The following DCLK1 variants were observed in gnomAD, a reference collection of about 807,000 sequenced individuals.
DCLK1 encodes the protein doublecortin like kinase 1.
A neutral mutation model predicts 86.2 loss-of-function variants in DCLK1; 16 were observed. The ratio of observed to expected loss-of-function variants is 0.19; its 90% CI spans 0.13 to 0.28. The LOEUF is 0.28. Among genes scored for constraint, DCLK1 ranks in the 10% least tolerant of loss-of-function variants. The pLI is 1.00. For missense variants in DCLK1, 590 were observed against 940.2 expected, an observed-to-expected ratio of 0.63 and a Z score of 4.87; for synonymous variants, 369 against 370.5, an observed-to-expected ratio of 1.00 and a Z score of 0.05.
chr13:35,994,791 T>C (rs146240678), intron 3 of DCLK1, among the ~76,000 whole-genome samples: 6 of 152,346 alleles, frequency 3.9e-5, no homozygotes, highest in African/African-American at 1.4e-4. Flanking sequence ...AAAGCTATTA[T>C]GGGCTTTAAA....
intron 3 of DCLK1, among the ~76,000 whole-genome samples, chr13:35,953,668 G>A (rs1251693055): frequency 1.3e-5 from 2 of 152,172 alleles, no homozygotes; most frequent in African/African-American, 2.4e-5. Context: ...TGCTCTGCAA[G>A]GGCAGAGATT....
intron 4 of DCLK1, among the ~76,000 whole-genome samples, chr13:35,944,215 G>A (rs1485390022): frequency 2.0e-5 from 3 of 152,192 alleles, no homozygotes; most frequent in Non-Finnish European, 2.9e-5. Flanking sequence ...TTAGAGGGAT[G>A]TATTATTGCT....
chr13:35,962,107 ATAGT>A (rs1165294925), intron 3 of DCLK1, among the ~76,000 whole-genome samples: 2 of 152,214 alleles, frequency 1.3e-5, no homozygotes, highest in African/African-American at 4.8e-5. Flanking sequence ...AGCGAACAAA[ATAGT>A]TATCTTATTT....
chr13:35,880,890 T>C (rs1872853200), intron 4 of DCLK1, among the ~76,000 whole-genome samples: 1 of 152,188 alleles, frequency 6.6e-6, no homozygotes, highest in African/African-American at 2.4e-5. Flanking sequence ...AAAAAACCCA[T>C]GTGTCTTCAG....
At chr13:36,027,118 C>T (rs537882856) in intron 3 of DCLK1, among the ~76,000 whole-genome samples, 5 of 152,202 alleles carry the variant, frequency 3.3e-5, no homozygotes, top group East Asian at 3.9e-4. Context: ...CCTCTATAGC[C>T]AGCAGTCCCC....
At chr13:35,861,568 T>A (rs1871384052) in intron 5 of DCLK1, among the ~76,000 whole-genome samples, 1 of 152,146 alleles carries the variant, frequency 6.6e-6, no homozygotes, top group Non-Finnish European at 1.5e-5. Context: ...GCCACAGTGG[T>A]GTCCTCACTG....
intron 3 of DCLK1, among the ~76,000 whole-genome samples, chr13:36,054,830 CAACT>C (rs1302996250): frequency 2.0e-5 from 3 of 152,286 alleles, no homozygotes; most frequent in South Asian, 4.2e-4. Context: ...ACAGCTTACA[CAACT>C]AACAAGCTGG....
intron 15 of DCLK1, among the ~76,000 whole-genome samples, chr13:35,799,872 T>C (rs1319033613): frequency 6.6e-6 from 1 of 152,176 alleles, no homozygotes; most frequent in Non-Finnish European, 1.5e-5. Flanking sequence ...GGTCAAGATA[T>C]ATTATTGCCT....
At chr13:35,818,905 C>A (rs1048814317) in intron 11 of DCLK1, among the ~76,000 whole-genome samples, 10 of 151,944 alleles carry the variant, frequency 6.6e-5, no homozygotes, top group Non-Finnish European at 1.3e-4. Flanking sequence ...TGGTCCCATG[C>A]CTAAGCCCAT....
intron 3 of DCLK1, among the ~76,000 whole-genome samples, chr13:36,008,073 G>A (rs989225336): frequency 1.3e-5 from 2 of 148,488 alleles, no homozygotes; most frequent in Non-Finnish European, 3.0e-5. Context: ...TAATTGCAAT[G>A]CCTATCATTT....
chr13:35,976,224 T>C (rs774884410), intron 3 of DCLK1, among the ~76,000 whole-genome samples: 13 of 152,104 alleles, frequency 8.5e-5, no homozygotes, highest in Non-Finnish European at 1.8e-4. Flanking sequence ...TGACCAGTTC[T>C]GATCAGTCCA....
chr13:36,011,212 G>C (rs1448201268), intron 3 of DCLK1, among the ~76,000 whole-genome samples: 10 of 57,460 alleles, frequency 1.7e-4, no homozygotes, highest in African/African-American at 5.8e-4. Flanking sequence ...AGGGTTTTTT[G>C]TGTCTCTATT....
intron 6 of DCLK1, among the ~76,000 whole-genome samples, chr13:35,844,755 T>A (rs1325169603): frequency 6.6e-6 from 1 of 152,244 alleles, no homozygotes; most frequent in Non-Finnish European, 1.5e-5. Context: ...GAAATTTTTA[T>A]AAATTTGGAA....
In DCLK1 at chr13:35,769,440, C is replaced by T. The variant is rs1218632693; in HGVS notation, c.*5095G>A. On this transcript the variant is annotated 3_prime_UTR_variant, in exon 17 of 17. Transcript: ENST00000360631. ...TTTCTTTCAGCCAGAATGAAAAAGG[C>T]TAGTATTAATTTCCTAATAAAATTT... 2 of 152,112 alleles carry T rather than the reference C, an allele frequency of 1.3e-5. No individual in the cohort carries two copies. Among genetic ancestry groups the T allele is most frequent in the Non-Finnish European group, 2.9e-5 (2 of 68,018 alleles). 9.4% of individuals were successfully genotyped at this position (152,112 alleles called of 1,614,324 possible).
chr13:35,923,468 G>A (rs1253371939), intron 4 of DCLK1, among the ~76,000 whole-genome samples: 1 of 151,942 alleles, frequency 6.6e-6, no homozygotes, highest in African/African-American at 2.4e-5. Flanking sequence ...CCTGGGCCTA[G>A]GGAACATTGT....
At chr13:35,872,907 CTT>C (rs1872370887) in intron 4 of DCLK1, among the ~76,000 whole-genome samples, 1 of 152,086 alleles carries the variant, frequency 6.6e-6, no homozygotes, top group Admixed American at 6.5e-5. Context: ...ATTTTCCATA[CTT>C]ATATATTATA....
chr13:35,933,297 T>C (rs1182703709), intron 4 of DCLK1, among the ~76,000 whole-genome samples: 1 of 152,064 alleles, frequency 6.6e-6, no homozygotes, highest in African/African-American at 2.4e-5. Flanking sequence ...AGGTGCATGG[T>C]GCAAGCTGTC....
chr13:35,867,876 AGG>A (rs1871915998), intron 5 of DCLK1, among the ~76,000 whole-genome samples: 1 of 123,744 alleles, frequency 8.1e-6, no homozygotes, highest in Admixed American at 9.4e-5. Context: ...AGAAAGAGAG[AGG>A]GAGAGAGAGA....
chr13:35,808,948 A>G, intron 13 of DCLK1, 70 bp downstream of exon 13: 1 of 1,354,902 alleles, frequency 7.4e-7, no homozygotes, highest in Non-Finnish European at 1.0e-6. Flanking sequence ...TTGTGCAAGA[A>G]GGGCTAATGG....
Sources: allele counts gnomAD v4.1 joint callset (sites outside exome capture counted in the v4.1 genomes callset), GRCh38; gene constraint gnomAD v4.1.1; transcripts MANE v1.5; gene names NCBI Gene and HGNC (gene_info 2026-07-23, HGNC 2026-07-21).